PAX7: variants seen among roughly 807,000 people sequenced by gnomAD.
The protein encoded by PAX7 is paired box protein Pax-7.
Under a neutral mutation model 50.7 loss-of-function variants are expected in PAX7, and 18 were observed. That is an observed-to-expected ratio of 0.36 (90% CI 0.25 to 0.53). The LOEUF is 0.53. Ranked by LOEUF, PAX7 falls within the 20% of genes least tolerant of loss-of-function variation. The pLI, the probability that PAX7 is intolerant of heterozygous loss-of-function variation, is 0.93. For synonymous variants in PAX7, 310 were observed against 290.4 expected, an observed-to-expected ratio of 1.07 and a Z score of -0.69; for missense variants, 644 against 702.9, an observed-to-expected ratio of 0.92 and a Z score of 0.95.
chr1:18,674,523 T>C (rs1020446976), intron 4 of PAX7, among the ~76,000 whole-genome samples: 3 of 152,166 alleles, frequency 2.0e-5, no homozygotes, highest in Non-Finnish European at 2.9e-5. Context: ...CAGGCTGTGG[T>C]CTGTCAAGAA....
chr1:18,698,830 G>C (rs2089181048), intron 5 of PAX7, among the ~76,000 whole-genome samples: 1 of 152,210 alleles, frequency 6.6e-6, no homozygotes, highest in Non-Finnish European at 1.5e-5. Flanking sequence ...AAAGCCGGCA[G>C]CTCTTGTTTA....
chr1:18,657,386 C>T (rs1039128094), intron 4 of PAX7, among the ~76,000 whole-genome samples: 4 of 151,496 alleles, frequency 2.6e-5, no homozygotes, highest in East Asian at 1.9e-4. Context: ...CTGGCCCCAT[C>T]GCCTCCACCT....
At chr1:18,685,444 C>G (rs946008799) in intron 4 of PAX7, among the ~76,000 whole-genome samples, 8 of 152,210 alleles carry the variant, frequency 5.3e-5, no homozygotes, top group African/African-American at 1.9e-4. Context: ...CAGTGAGACC[C>G]ACAGACCCAT....
At chr1:18,635,493 A>AGAAGGAAGGAAGGAAGGGAGGAAGGAAG (rs759818785) in intron 3 of PAX7, among the ~76,000 whole-genome samples, 2 of 68,812 alleles carry the variant, frequency 2.9e-5, no homozygotes, top group African/African-American at 7.5e-5. Flanking sequence ...AAAGGGAGGA[A>AGAAGGAAGGAAGGAAGGGAGGAAGGAAG]GAAGGAAGGA....
At chr1:18,672,605 T>TTG (rs1557521506) in intron 4 of PAX7, among the ~76,000 whole-genome samples, 1 of 146,598 alleles carries the variant, frequency 6.8e-6, no homozygotes, top group Non-Finnish European at 1.5e-5. Flanking sequence ...TGTTTTTTTT[T>TTG]TTTTTTTTTT....
chr1:18,707,571 C>T (rs190329961), intron 7 of PAX7, among the ~76,000 whole-genome samples: 4 of 152,050 alleles, frequency 2.6e-5, no homozygotes, highest in East Asian at 3.9e-4. Flanking sequence ...TACAGGCATG[C>T]GCCACCATGC....
intron 4 of PAX7, among the ~76,000 whole-genome samples, chr1:18,639,522 C>T (rs759768545): frequency 6.6e-6 from 1 of 152,018 alleles, no homozygotes; most frequent in Non-Finnish European, 1.5e-5. Context: ...GGGAAGTGGA[C>T]AGTTCCTTGC....
chr1:18,696,799 A>C (rs993938566), intron 5 of PAX7, among the ~76,000 whole-genome samples: 14 of 152,276 alleles, frequency 9.2e-5, no homozygotes, highest in African/African-American at 3.1e-4. Flanking sequence ...AACGGGTTCA[A>C]AAAAGGAATA....
At position 18,636,307 on chromosome 1, in the gene PAX7, C is replaced by G. The variant is rs2088155841; in HGVS notation, c.522C>G (p.Asp174Glu). The G allele has an allele frequency of 6.2e-7, 1 of 1,614,094 alleles. No homozygotes were observed. The highest frequency in any genetic ancestry group is 1.3e-5 in the African/African-American group (1 of 74,942). The stretch of plus-strand genomic sequence containing the variant: ...AGAAAGAGGAGGAGGATGAAGCGGA[C>G]AAGAAGGAGGACGACGGCGAAAAGA... Reference protein sequence around the residue: ...FGKKEEEDEADKKEDDGEKKA... With the variant: ...FGKKEEEDEAEKKEDDGEKKA... The change falls in exon 4 of 9, where the codon GAC becomes GAG. Residue 174 changes from aspartate (D) to glutamate (E), a missense_variant. Physicochemically the swap from Asp to Glu is conservative, Grantham distance 45. Coordinates refer to ENST00000420770, the MANE Select transcript of PAX7 (RefSeq NM_001135254.2). This position sits in a 1 kb window ranked among gnomAD's most constrained non-coding sequence, Gnocchi z 5.1.
intron 4 of PAX7, among the ~76,000 whole-genome samples, chr1:18,675,847 A>G (rs1055925852): frequency 7.9e-5 from 12 of 152,228 alleles, no homozygotes; most frequent in Admixed American, 5.2e-4. Flanking sequence ...CTCGGGGGCC[A>G]GGAGTCCCGG....
chr1:18,701,494 A>C (rs1476527200), intron 6 of PAX7, among the ~76,000 whole-genome samples: 1 of 151,676 alleles, frequency 6.6e-6, no homozygotes, highest in Admixed American at 6.6e-5. Context: ...AAGATGTTGG[A>C]ATCATGTTGG....
At chr1:18,722,498 A>G (rs950197994) in intron 7 of PAX7, among the ~76,000 whole-genome samples, 1 of 152,144 alleles carries the variant, frequency 6.6e-6, no homozygotes, top group Non-Finnish European at 1.5e-5. Flanking sequence ...GGGGATTCAC[A>G]GGCGCTTTAT....
intron 4 of PAX7, among the ~76,000 whole-genome samples, chr1:18,682,739 G>A (rs2088917304): frequency 6.6e-6 from 1 of 152,216 alleles, no homozygotes; most frequent in Admixed American, 6.5e-5. Flanking sequence ...ATGTGCTGTG[G>A]CCTTAAGACA....
intron 7 of PAX7, among the ~76,000 whole-genome samples, chr1:18,733,728 A>G (rs2089676529): frequency 6.6e-6 from 1 of 152,186 alleles, no homozygotes; most frequent in African/African-American, 2.4e-5. Context: ...GCTGCCCAGG[A>G]AACAAACTAC....
chr1:18,672,091 G>A (rs939037744), intron 4 of PAX7, among the ~76,000 whole-genome samples: 10 of 152,306 alleles, frequency 6.6e-5, no homozygotes, highest in African/African-American at 2.2e-4. Context: ...GCACATACAG[G>A]GCACTCTGTG....
chr1:18,645,249 T>C (rs1213386041), intron 4 of PAX7, among the ~76,000 whole-genome samples: 1 of 152,188 alleles, frequency 6.6e-6, no homozygotes, highest in Non-Finnish European at 1.5e-5. Flanking sequence ...GTCGGCGGGC[T>C]GGGCCTTGCT....
chr1:18,691,792 C>A lies in PAX7; in HGVS notation c.625C>A (p.Pro209Thr), dbSNP rs1371828008. 10 of 1,604,064 alleles carry A rather than the reference C, an allele frequency of 6.2e-6. No homozygotes were observed. In the African/African-American group the frequency reaches 6.7e-5, roughly 11 times the overall value. Residue 209 changes from proline (P) to threonine (T), a missense_variant, in exon 5 of 9, where the codon CCT (proline) becomes ACT (threonine). Coordinates refer to ENST00000420770, the MANE Select transcript of PAX7 (RefSeq NM_001135254.2). ...CGAGGGCTCGGATGTGGAGTCGGAA[C>A]CTGACCTCCCACTGAAGCGCAAGCA... ...LDEGSDVESE[P>T]DLPLKRKQRR...
intron 6 of PAX7, among the ~76,000 whole-genome samples, chr1:18,702,627 G>T (rs942613779): frequency 1.3e-5 from 2 of 152,178 alleles, no homozygotes; most frequent in Admixed American, 1.3e-4. Context: ...GTCATCTTGT[G>T]TGAGTGCCCC....
In PAX7 at chr1:18,746,905, A is replaced by G. The variant is rs1341236712; in HGVS notation, c.*1976A>G. 2 of 231,752 alleles carry G rather than the reference A, an allele frequency of 8.6e-6. No individual in the cohort carries two copies. The highest frequency in any genetic ancestry group is 2.2e-5 in the African/African-American group (1 of 45,252). 14.4% of individuals were successfully genotyped at this position (231,752 alleles called of 1,614,324 possible). On this transcript the variant is annotated 3_prime_UTR_variant, in exon 9 of 9. Transcript: ENST00000420770. ...GAAACCTATGAATAACTGGGGACAA[A>G]CAGACTCTTTGGTAGCAGCAGACAC...
Sources: gnomAD v4.1 joint callset for allele counts (sites outside exome capture counted in the v4.1 genomes callset) on GRCh38, gnomAD v4.1.1 for gene constraint, Gnocchi (gnomAD v3.1) non-coding constraint, MANE v1.5 for transcripts, NCBI Gene and HGNC (gene_info 2026-07-23, HGNC 2026-07-21) for gene names.